The following DSCAM variants were observed in gnomAD, a reference collection of about 807,000 sequenced individuals.
DSCAM encodes the protein cell adhesion molecule DSCAM.
A neutral mutation model predicts 217.7 loss-of-function variants in DSCAM; 47 were observed. The ratio of observed to expected loss-of-function variants is 0.22; its 90% CI spans 0.17 to 0.28. The LOEUF is 0.28. Among genes scored for constraint, DSCAM ranks in the 10% least tolerant of loss-of-function variants. DSCAM has a pLI of 1.00. For synonymous variants in DSCAM, 1,056 were observed against 1,015.3 expected, an observed-to-expected ratio of 1.04 and a Z score of -0.76; for missense variants, 2,080 against 2,618.3, an observed-to-expected ratio of 0.79 and a Z score of 4.49.
At chr21:40,184,808 A>G (rs1337726342) in intron 14 of DSCAM, among the ~76,000 whole-genome samples, 1 of 152,064 alleles carries the variant, frequency 6.6e-6, no homozygotes, top group Non-Finnish European at 1.5e-5. Flanking sequence ...AAGAGTAGGG[A>G]GATAGTGAGG....
At chr21:40,625,890 G>A (rs530351473) in intron 3 of DSCAM, among the ~76,000 whole-genome samples, 4 of 151,980 alleles carry the variant, frequency 2.6e-5, no homozygotes, top group East Asian at 3.9e-4. Context: ...TCCTCCTCTC[G>A]GGAAATGGGA....
intron 3 of DSCAM, among the ~76,000 whole-genome samples, chr21:40,490,346 T>A (rs2076066644): frequency 6.6e-6 from 1 of 152,164 alleles, no homozygotes; most frequent in South Asian, 2.1e-4. Context: ...TACAGTATTT[T>A]TTTAAAAAAA....
intron 2 of DSCAM, among the ~76,000 whole-genome samples, chr21:40,701,917 G>A (rs2090660826): frequency 6.6e-6 from 1 of 152,084 alleles, no homozygotes. Context: ...TGGATAGAAT[G>A]TTCTTTATTT....
chr21:40,107,114 A>G (rs1469249008), intron 20 of DSCAM, among the ~76,000 whole-genome samples: 6 of 152,194 alleles, frequency 3.9e-5, no homozygotes, highest in African/African-American at 1.4e-4. Flanking sequence ...ATTTAGTACT[A>G]TAAATTTCTC....
At chr21:40,261,559 G>C (rs986520339) in intron 11 of DSCAM, among the ~76,000 whole-genome samples, 1 of 151,874 alleles carries the variant, frequency 6.6e-6, no homozygotes, top group African/African-American at 2.4e-5. Flanking sequence ...ATGGCTTTCA[G>C]ATTGGAATTA....
intron 3 of DSCAM, among the ~76,000 whole-genome samples, chr21:40,442,517 G>GTTT (rs35821647): frequency 9.6e-5 from 4 of 41,880 alleles, no homozygotes; most frequent in African/African-American, 1.4e-4. Flanking sequence ...TTTTTTTTTT[G>GTTT]TTTTTTTTTT....
intron 11 of DSCAM, among the ~76,000 whole-genome samples, chr21:40,249,761 G>C (rs1014304728): frequency 1.3e-5 from 2 of 152,106 alleles, no homozygotes. Context: ...ACAGAGTTGA[G>C]GTAATCATGG....
At chr21:40,146,411 G>A (rs73904709) in intron 16 of DSCAM, among the ~76,000 whole-genome samples, 2,298 of 152,220 alleles carry the variant, frequency 0.015, 65 homozygotes, top group African/African-American at 0.053. Context: ...AAATGTGACC[G>A]GGGGAGGGCA....
chr21:40,609,760 AC>A (rs2089289078), intron 3 of DSCAM, among the ~76,000 whole-genome samples: 3 of 152,228 alleles, frequency 2.0e-5, no homozygotes, highest in East Asian at 1.9e-4. Flanking sequence ...TAAAATAGAA[AC>A]CCTTATTAGA....
intron 11 of DSCAM, among the ~76,000 whole-genome samples, chr21:40,193,098 G>T (rs2090969355): frequency 1.3e-5 from 2 of 152,156 alleles, no homozygotes; most frequent in Non-Finnish European, 2.9e-5. Context: ...CAGCATTTAT[G>T]GTGAGGGAAC....
chr21:40,669,840 A>T (rs763792183), intron 3 of DSCAM, among the ~76,000 whole-genome samples: 1 of 152,074 alleles, frequency 6.6e-6, no homozygotes, highest in Non-Finnish European at 1.5e-5. Context: ...CAAAGTGCTG[A>T]GATTACAGGC....
chr21:40,611,057 A>AT (rs527262141), intron 3 of DSCAM, among the ~76,000 whole-genome samples: 1,671 of 129,782 alleles, frequency 0.013, 27 homozygotes, highest in African/African-American at 0.03. Flanking sequence ...TTAGTTTTCA[A>AT]TTTTTTTTTT....
intron 3 of DSCAM, among the ~76,000 whole-genome samples, chr21:40,579,331 GA>G (rs2076884651): frequency 6.6e-6 from 1 of 151,752 alleles, no homozygotes; most frequent in Admixed American, 6.6e-5. Context: ...AAGCAGTGAG[GA>G]AAAAAAGCTG....
chr21:40,540,170 C>T (rs181137610), intron 3 of DSCAM, among the ~76,000 whole-genome samples: 131 of 152,156 alleles, frequency 8.6e-4, no homozygotes, highest in African/African-American at 2.9e-3. Context: ...ATTTGATGCC[C>T]GCTCACCTCC....
chr21:40,153,136 C>T (rs1013018089), intron 16 of DSCAM, among the ~76,000 whole-genome samples: 2 of 152,200 alleles, frequency 1.3e-5, no homozygotes, highest in Non-Finnish European at 2.9e-5. Context: ...TTTTCTGCAG[C>T]CTCCCCTTAC....
intron 3 of DSCAM, among the ~76,000 whole-genome samples, chr21:40,476,194 G>T (rs2075934084): frequency 6.6e-6 from 1 of 152,084 alleles, no homozygotes; most frequent in Non-Finnish European, 1.5e-5. Context: ...TCTATAGGAG[G>T]GTCCCCATTT....
intron 3 of DSCAM, among the ~76,000 whole-genome samples, chr21:40,583,443 G>A (rs573389328): frequency 6.6e-6 from 1 of 152,116 alleles, no homozygotes; most frequent in East Asian, 1.9e-4. Flanking sequence ...CTGGTACATG[G>A]AACACGAGCT....
In DSCAM at chr21:40,160,519, G is replaced by C. The variant is rs988628624; in HGVS notation, c.3018+6699C>G. Among the ~76,000 whole-genome samples the C allele has an allele frequency of 5.3e-5, 8 of 152,196 alleles. No individual in the cohort carries two copies. In the East Asian group the frequency reaches 1.5e-3, roughly 29 times the overall value. ...AGCTTCCTAGTGAATATTATGCATAGTGTGCTTATTAGACAATTTAAGTCA... is the reference window on the plus strand; with the variant it reads ...AGCTTCCTAGTGAATATTATGCATACTGTGCTTATTAGACAATTTAAGTCA... On this transcript the variant is annotated intron_variant, in intron 16 of 32. Transcript: ENST00000400454.
At chr21:40,195,297 A>C (rs1413675189) in intron 11 of DSCAM, among the ~76,000 whole-genome samples, 1 of 152,206 alleles carries the variant, frequency 6.6e-6, no homozygotes, top group Non-Finnish European at 1.5e-5. Context: ...ATCCTTATAC[A>C]TTTTTATGGT....
Sources: gnomAD v4.1 joint callset for allele counts (sites outside exome capture counted in the v4.1 genomes callset) on GRCh38, gnomAD v4.1.1 for gene constraint, MANE v1.5 for transcripts, NCBI Gene and HGNC (gene_info 2026-07-23, HGNC 2026-07-21) for gene names.